The following HECW2 variants were observed in gnomAD, a reference collection of about 807,000 sequenced individuals.
HECW2 encodes the protein E3 ubiquitin-protein ligase HECW2.
In HECW2, 61 loss-of-function variants were observed where a neutral mutation model predicts 175.2. The observed-to-expected ratio is 0.35, with a 90% CI of 0.28 to 0.43. HECW2 has a LOEUF of 0.43. Among genes scored for constraint, HECW2 ranks in the 20% least tolerant of loss-of-function variants. The pLI, the probability that HECW2 is intolerant of heterozygous loss-of-function variation, is 1.00. For missense variants in HECW2, 1,524 were observed against 2,000.5 expected (o/e 0.76, Z 4.54); for synonymous variants, 671 against 731.0 (o/e 0.92, Z 1.32).
intron 21 of HECW2, among the ~76,000 whole-genome samples, chr2:196,236,298 A>T (rs1311889620): frequency 6.6e-6 from 1 of 152,194 alleles, no homozygotes; most frequent in Non-Finnish European, 1.5e-5. Flanking sequence ...TGTCCAGGGA[A>T]ACATTTCCTA....
At chr2:196,555,823 A>T (rs1689774203) in intron 1 of HECW2, among the ~76,000 whole-genome samples, 2 of 152,238 alleles carry the variant, frequency 1.3e-5, no homozygotes, top group Non-Finnish European at 2.9e-5. Flanking sequence ...AACAAGACTT[A>T]CAAGTCCCCA....
At chr2:196,521,492 ATT>A (rs1688384991) in intron 1 of HECW2, among the ~76,000 whole-genome samples, 1 of 151,416 alleles carries the variant, frequency 6.6e-6, no homozygotes. Context: ...TTATTTTTTT[ATT>A]ATTCTACTTT....
chr2:196,368,974 C>T (rs540140387), intron 2 of HECW2, among the ~76,000 whole-genome samples: 7 of 152,208 alleles, frequency 4.6e-5, no homozygotes, highest in Admixed American at 2.0e-4. Context: ...GATTGGTCAC[C>T]AGTGTCTTAT....
intron 1 of HECW2, among the ~76,000 whole-genome samples, chr2:196,516,717 T>G (rs1026146121): frequency 6.6e-6 from 1 of 152,196 alleles, no homozygotes; most frequent in Non-Finnish European, 1.5e-5. Flanking sequence ...CCTAGGGCCA[T>G]ATTTTCCCAA....
In HECW2 at chr2:196,460,776, ATTTTTTT is replaced by A. The variant is rs201916150; in HGVS notation, c.-35-27325_-35-27319del. Among the ~76,000 whole-genome samples the A allele has an allele frequency of 8.8e-3, 1,022 of 115,994 alleles. 15 individuals carry two copies. Among genetic ancestry groups the A allele is most frequent in the African/African-American group, 0.028 (946 of 34,264 alleles). The allele number at this position is 115,994 out of a possible 152,430, so 76.1% of individuals were successfully genotyped here. Reference sequence around the variant, plus strand: ...CAAGCATGCATCACCACACCTGGCAATTTTTTTTTTTTTTTTTTTTTTTTTTTTTGGA... The same window carrying A: ...CAAGCATGCATCACCACACCTGGCAATTTTTTTTTTTTTTTTTTTTTTGGA... On this transcript the variant is annotated intron_variant, in intron 1 of 28. Coordinates refer to ENST00000644978, the MANE Select transcript of HECW2 (RefSeq NM_001348768.2).
chr2:196,207,696 C>T (rs1483810321), intron 28 of HECW2, among the ~76,000 whole-genome samples: 4 of 152,188 alleles, frequency 2.6e-5, no homozygotes, highest in Middle Eastern at 3.2e-3. Flanking sequence ...TTAAGGTCAA[C>T]GTATATCTCC....
intron 1 of HECW2, among the ~76,000 whole-genome samples, chr2:196,444,691 G>A (rs919576866): frequency 6.6e-6 from 1 of 152,212 alleles, no homozygotes; most frequent in Non-Finnish European, 1.5e-5. Flanking sequence ...CAAAGGAGCA[G>A]GGAAGGAACC....
intron 2 of HECW2, among the ~76,000 whole-genome samples, chr2:196,427,161 A>G (rs1374890693): frequency 6.6e-6 from 1 of 152,028 alleles, no homozygotes; most frequent in Non-Finnish European, 1.5e-5. Flanking sequence ...TCATAGCAAC[A>G]TTTTCTCATC....
intron 15 of HECW2, among the ~76,000 whole-genome samples, chr2:196,277,921 T>G (rs1336012941): frequency 8.2e-6 from 1 of 122,216 alleles, no homozygotes; most frequent in Non-Finnish European, 1.6e-5. Flanking sequence ...AGGTGGGAAT[T>G]GAACAGTGAG....
chr2:196,332,595 G>C (rs896105777), intron 4 of HECW2, among the ~76,000 whole-genome samples: 2 of 152,038 alleles, frequency 1.3e-5, no homozygotes, highest in African/African-American at 4.8e-5. Flanking sequence ...AAAATCAATG[G>C]AATAAGATCA....
chr2:196,270,493 T>A (rs908104116), intron 17 of HECW2, among the ~76,000 whole-genome samples: 1 of 152,208 alleles, frequency 6.6e-6, no homozygotes, highest in Admixed American at 6.5e-5. Context: ...GTTTTTATTA[T>A]GGAAAAATGT....
chr2:196,271,643 G>T (rs1417107737), intron 16 of HECW2, among the ~76,000 whole-genome samples: 1 of 152,124 alleles, frequency 6.6e-6, no homozygotes, highest in Non-Finnish European at 1.5e-5. Flanking sequence ...GGTAGCTCAC[G>T]CCTGTAACCC....
At chr2:196,357,630 T>C (rs1384783559) in intron 2 of HECW2, among the ~76,000 whole-genome samples, 1 of 152,150 alleles carries the variant, frequency 6.6e-6, no homozygotes, top group East Asian at 1.9e-4. Flanking sequence ...AATTACCAAA[T>C]TGTAATCCCC....
chr2:196,477,923 G>C (rs929425805), intron 1 of HECW2, among the ~76,000 whole-genome samples: 1 of 152,120 alleles, frequency 6.6e-6, no homozygotes, highest in South Asian at 2.1e-4. Context: ...ATGGTGGCAC[G>C]TGCCTGTAAT....
At chr2:196,520,452 G>C (rs1011038589) in intron 1 of HECW2, among the ~76,000 whole-genome samples, 1 of 152,292 alleles carries the variant, frequency 6.6e-6, no homozygotes, top group Admixed American at 6.5e-5. Flanking sequence ...AAACTATCAT[G>C]TAATGTGCAC....
At chr2:196,226,922 A>T (rs1241137583) in intron 22 of HECW2, among the ~76,000 whole-genome samples, 1 of 152,174 alleles carries the variant, frequency 6.6e-6, no homozygotes, top group Admixed American at 6.6e-5. Flanking sequence ...TATATTTGTT[A>T]TGACTGGATT....
rs766642541 is a variant in HECW2, at chr2:196,242,195, C to T, written c.3539G>A (p.Arg1180His). 9.9e-6 allele frequency: 16 copies of T among 1,614,186 alleles called. No individual in the cohort carries two copies. The highest frequency in any genetic ancestry group is 3.3e-5 in the Admixed American group (2 of 60,024). ...SSPQNSPGTQRANARAPAPYK... is the reference protein window; with the variant it reads ...SSPQNSPGTQHANARAPAPYK... ...AGGGGCTGGAGCCCGGGCATTGGCACGCTGGGTACCTGCAGCAAACCACAA... is the reference window on the plus strand; with the variant it reads ...AGGGGCTGGAGCCCGGGCATTGGCATGCTGGGTACCTGCAGCAAACCACAA... Residue 1180 changes from arginine to histidine, a missense_variant, in exon 20 of 29, where the codon CGT becomes CAT. Transcript: ENST00000644978.
rs182851955 is a variant in HECW2 at position 196,250,397 on chromosome 2, C to T, written c.3529+3523G>A. On this transcript the variant is annotated intron_variant, in intron 19 of 28. Transcript: ENST00000644978. ...TTTCCAGAAAGAAAGAAAGAAAAAGCGACACATTAACCTTTATTGGCTACT... is the reference window on the plus strand; with the variant it reads ...TTTCCAGAAAGAAAGAAAGAAAAAGTGACACATTAACCTTTATTGGCTACT... 4.5e-4 allele frequency among the ~76,000 whole-genome samples: 69 copies of T among 152,268 alleles called. 3 individuals are homozygous for T. Among genetic ancestry groups the T allele is most frequent in the African/African-American group, 1.6e-3 (67 of 41,550 alleles).
chr2:196,459,271 G>A (rs555950896), intron 1 of HECW2, among the ~76,000 whole-genome samples: 1 of 152,254 alleles, frequency 6.6e-6, no homozygotes, highest in East Asian at 1.9e-4. Context: ...GAAGAGAGAT[G>A]GGAGATGTAG....
Sources: allele counts gnomAD v4.1 joint callset (sites outside exome capture counted in the v4.1 genomes callset), GRCh38; gene constraint gnomAD v4.1.1; transcripts MANE v1.5; gene names NCBI Gene and HGNC (gene_info 2026-07-23, HGNC 2026-07-21).